Variants in PID1 observed in about 807,000 individuals in gnomAD.
PID1 encodes the protein PTB-containing, cubilin and LRP1-interacting protein.
PID1 carries 10 observed loss-of-function variants against 19.1 expected under a neutral mutation model. The ratio of observed to expected loss-of-function variants is 0.52; its 90% CI spans 0.32 to 0.89. The LOEUF is 0.89. Ranked by LOEUF, PID1 falls within the 40% of genes least tolerant of loss-of-function variation. The pLI is 0.03. For missense variants in PID1, 248 were observed against 285.3 expected (o/e 0.87, Z 0.94); for synonymous variants, 130 against 116.0 (o/e 1.12, Z -0.78).
chr2:229,169,763 A>T (rs1363933529), intron 1 of PID1, among the ~76,000 whole-genome samples: 4 of 152,174 alleles, frequency 2.6e-5, no homozygotes. Flanking sequence ...TCCCTGACAA[A>T]TAAATGTGGA....
At position 229,271,280 on chromosome 2, in the gene PID1, A is replaced by G; in HGVS notation, c.-237T>C. On this transcript the variant is annotated 5_prime_UTR_variant, in exon 1 of 3. Coordinates refer to ENST00000392055, the MANE Select transcript of PID1 (RefSeq NM_001100818.2). ...CCGGCTGTCCTGGCGCAGCTGCGAG[A>G]GGACTGCGCAGCTCCGCCCGGGCCC... is the stretch of plus-strand genomic sequence containing the variant. 3.4e-6 allele frequency: 1 copy of G among 295,144 alleles called. No homozygotes were observed. Among genetic ancestry groups the G allele is most frequent in the Non-Finnish European group, 6.3e-6 (1 of 158,486 alleles). 18.3% of individuals were successfully genotyped at this position (295,144 alleles called of 1,614,324 possible). A position where few individuals can be genotyped will look rare whatever the true frequency, so the allele number is the denominator to read the frequency against.
intron 1 of PID1, among the ~76,000 whole-genome samples, chr2:229,160,420 T>G (rs1436447493): frequency 6.6e-6 from 1 of 152,114 alleles, no homozygotes; most frequent in Non-Finnish European, 1.5e-5. Context: ...AATTCCAACT[T>G]CAACACAATA....
In PID1 at chr2:229,262,705, A is replaced by C. The variant is rs988414495; in HGVS notation, c.30+8309T>G. 2.6e-6 allele frequency: 4 copies of C among 1,551,390 alleles called. No individual in the cohort carries two copies. The African/African-American group carries it at 5.5e-5, about 21-fold the overall frequency. ...CACCATTTCGGAGGCTGGAAGTCCA[A>C]AATGTAAAGGTTGGCAGGGCCACAC... On this transcript the variant is annotated intron_variant, in intron 1 of 2. Coordinates refer to ENST00000392055, the MANE Select transcript of PID1 (RefSeq NM_001100818.2).
At chr2:229,150,944 T>C (rs1188687088) in intron 2 of PID1, among the ~76,000 whole-genome samples, 2 of 152,020 alleles carry the variant, frequency 1.3e-5, no homozygotes, top group Non-Finnish European at 2.9e-5. Context: ...TTCCTTATGC[T>C]TTCTGGTTTC....
intron 2 of PID1, among the ~76,000 whole-genome samples, chr2:229,128,139 G>GC (rs1695661508): frequency 1.8e-5 from 1 of 54,672 alleles, no homozygotes; most frequent in Non-Finnish European, 3.6e-5. Flanking sequence ...AATGGATTGG[G>GC]ATTTTGTACC....
At chr2:229,232,115 C>T in intron 1 of PID1, 1 of 1,471,598 alleles carries the variant, frequency 6.8e-7, no homozygotes, top group South Asian at 1.4e-5. Flanking sequence ...GCCCTGATGA[C>T]TTAACCACCT....
Position 229,123,979 on chromosome 2 carries a change from G to T in PID1, c.177+31839C>A, listed in dbSNP as rs961515472. 3.9e-5 allele frequency among the ~76,000 whole-genome samples: 6 copies of T among 152,098 alleles called. No individual in the cohort carries two copies. The South Asian group carries it at 1.2e-3, about 32-fold the overall frequency. ...TTAGTGCACAAAGTAGGCTAATGCT[G>T]GGTAATGAACCTGCTTTAGGGAAGG... On this transcript the variant is annotated intron_variant, in intron 2 of 2. Transcript: ENST00000392055.
intron 1 of PID1, among the ~76,000 whole-genome samples, chr2:229,210,088 C>T (rs936467489): frequency 7.9e-5 from 12 of 151,060 alleles, no homozygotes; most frequent in Non-Finnish European, 1.6e-4. Context: ...CTTTCTTTCT[C>T]TTGACATGAC....
At chr2:229,102,815 C>A (rs1348712037) in intron 2 of PID1, among the ~76,000 whole-genome samples, 1 of 152,180 alleles carries the variant, frequency 6.6e-6, no homozygotes, top group Non-Finnish European at 1.5e-5. Context: ...GATCCAAGCC[C>A]AGCAAAGCTG....
At chr2:229,232,324 C>A (rs372305402) in intron 1 of PID1, among the ~76,000 whole-genome samples, 1 of 138,824 alleles carries the variant, frequency 7.2e-6, no homozygotes, top group Admixed American at 8.0e-5. Flanking sequence ...CCCAGCTACT[C>A]GGGAGGTTGA....
chr2:229,216,565 T>G (rs1453184464), intron 1 of PID1, among the ~76,000 whole-genome samples: 1 of 152,204 alleles, frequency 6.6e-6, no homozygotes, highest in Admixed American at 6.5e-5. Context: ...GATTAGGGTC[T>G]TAGGTTTTAA....
At chr2:229,121,435 C>T (rs1457210430) in intron 2 of PID1, among the ~76,000 whole-genome samples, 1 of 152,206 alleles carries the variant, frequency 6.6e-6, no homozygotes, top group Non-Finnish European at 1.5e-5. Flanking sequence ...GCACTTCATC[C>T]AAGCTATAGT....
At chr2:229,141,583 G>C (rs914691462) in intron 2 of PID1, among the ~76,000 whole-genome samples, 1 of 152,004 alleles carries the variant, frequency 6.6e-6, no homozygotes, top group African/African-American at 2.4e-5. Flanking sequence ...GAGAATTCTA[G>C]CACTGCTCAT....
At chr2:229,059,410 G>GGTA (rs1694166795) in intron 2 of PID1, among the ~76,000 whole-genome samples, 2 of 152,188 alleles carry the variant, frequency 1.3e-5, no homozygotes, top group East Asian at 3.8e-4. Context: ...CCTATTATGT[G>GGTA]CTAGGCACAA....
chr2:229,025,268 T>C lies in PID1; in HGVS notation c.*364A>G, dbSNP rs1335108083. The C allele has an allele frequency of 2.7e-5, 6 of 218,536 alleles. No individual in the cohort carries two copies. In the East Asian group the frequency reaches 5.8e-4, roughly 21 times the overall value. The allele number at this position is 218,536 out of a possible 1,614,324, so 13.5% of individuals were successfully genotyped here. On this transcript the variant is annotated 3_prime_UTR_variant, in exon 3 of 3. Coordinates refer to ENST00000392055, the MANE Select transcript of PID1 (RefSeq NM_001100818.2). ...CCCCTAACATTCTTGTGGAATTTCATAAGGCAGATCGGAATGGCCCATCCA... is the reference window on the plus strand; with the variant it reads ...CCCCTAACATTCTTGTGGAATTTCACAAGGCAGATCGGAATGGCCCATCCA...
intron 2 of PID1, among the ~76,000 whole-genome samples, chr2:229,101,085 G>A (rs909316023): frequency 1.3e-5 from 2 of 152,172 alleles, no homozygotes; most frequent in Non-Finnish European, 2.9e-5. Flanking sequence ...CCCTACAATG[G>A]AAACTTGGGG....
chr2:229,205,373 A>C (rs753812630), intron 1 of PID1, among the ~76,000 whole-genome samples: 63 of 152,018 alleles, frequency 4.1e-4, no homozygotes, highest in Non-Finnish European at 8.1e-4. Context: ...TTTATTTTTC[A>C]TTTCCTAGAC....
intron 1 of PID1, among the ~76,000 whole-genome samples, chr2:229,257,585 T>C (rs559578884): frequency 6.6e-6 from 1 of 152,350 alleles, no homozygotes; most frequent in Non-Finnish European, 1.5e-5. Context: ...TTACAATGCA[T>C]TCATCACCTC....
intron 2 of PID1, among the ~76,000 whole-genome samples, chr2:229,036,409 C>T (rs929821196): frequency 1.3e-5 from 2 of 152,136 alleles, no homozygotes; most frequent in African/African-American, 4.8e-5. Flanking sequence ...TCTCTGATAC[C>T]ATTTTGGGGT....
Sources: allele counts gnomAD v4.1 joint callset (sites outside exome capture counted in the v4.1 genomes callset), GRCh38; gene constraint gnomAD v4.1.1; transcripts MANE v1.5; gene names NCBI Gene and HGNC (gene_info 2026-07-23, HGNC 2026-07-21).